FRMD6: variants seen among roughly 807,000 people sequenced by gnomAD.
The protein encoded by FRMD6 is FERM domain containing 6.
FRMD6 carries 37 observed loss-of-function variants against 73.2 expected under a neutral mutation model. The observed-to-expected ratio is 0.51, with a 90% CI of 0.39 to 0.66. FRMD6 has a LOEUF of 0.66. FRMD6 is among the 30% of genes least tolerant of loss of function. The pLI is 0.00. For synonymous variants in FRMD6, 273 were observed against 282.2 expected, an observed-to-expected ratio of 0.97 and a Z score of 0.33; for missense variants, 714 against 780.5, an observed-to-expected ratio of 0.91 and a Z score of 1.02.
At chr14:51,408,962 T>A in the FRMD6 span, among the ~76,000 whole-genome samples, 2 of 152,212 alleles carry the variant, frequency 1.3e-5, no homozygotes, top group African/African-American at 4.8e-5. Flanking sequence ...CTTGAGGATT[T>A]TTGGATATCC....
At chr14:51,434,721 T>C in the FRMD6 span, among the ~76,000 whole-genome samples, 1 of 152,184 alleles carries the variant, frequency 6.6e-6, no homozygotes, top group African/African-American at 2.4e-5. Flanking sequence ...ACTATTTGCA[T>C]AGTCTTAAAT....
At chr14:51,436,793 G>A in the FRMD6 span, 8 of 536,488 alleles carry the variant, frequency 1.5e-5, no homozygotes, top group Non-Finnish European at 2.0e-5. Flanking sequence ...AGATGAAGAA[G>A]GAGAAGGAGA....
Position 51,497,029 on chromosome 14 carries a change from A to G in FRMD6, c.-210+7609A>G, listed in dbSNP as rs149569118. Among the ~76,000 whole-genome samples the G allele has an allele frequency of 5.8e-4, 89 of 152,312 alleles. 1 individual carries two copies. The East Asian group carries it at 0.016, about 28-fold the overall frequency. ...CATACACCCACCATACAATGTTGAA[A>G]CAGGGACATGGTAACCTTAATATCC... On this transcript the variant is annotated intron_variant, in intron 1 of 14. Coordinates refer to the FRMD6 transcript ENST00000356218.
the FRMD6 span, among the ~76,000 whole-genome samples, chr14:51,447,519 T>C: frequency 1.3e-5 from 2 of 152,180 alleles, no homozygotes; most frequent in Admixed American, 6.5e-5. Flanking sequence ...CTCTAGGCCT[T>C]TGCTCAGACT....
At chr14:51,459,209 C>T in the FRMD6 span, among the ~76,000 whole-genome samples, 30 of 152,310 alleles carry the variant, frequency 2.0e-4, no homozygotes, top group East Asian at 5.6e-3. Context: ...GACAAGGTCT[C>T]ATGCTGTTCA....
At chr14:51,397,337 G>A in the FRMD6 span, among the ~76,000 whole-genome samples, 2 of 152,184 alleles carry the variant, frequency 1.3e-5, no homozygotes, top group African/African-American at 4.8e-5. Context: ...AGGTATTTGT[G>A]GCTTCTGCCA....
intron 1 of FRMD6, among the ~76,000 whole-genome samples, chr14:51,530,482 T>C (rs1374455773): frequency 6.6e-6 from 1 of 152,152 alleles, no homozygotes; most frequent in Admixed American, 6.5e-5. Flanking sequence ...GAGTTACTAT[T>C]ATTATTATTT....
intron 1 of FRMD6, among the ~76,000 whole-genome samples, chr14:51,666,631 A>G (rs1893613059): frequency 6.6e-6 from 1 of 152,244 alleles, no homozygotes; most frequent in Non-Finnish European, 1.5e-5. Context: ...AGTAATTGGA[A>G]TGTAAAAATT....
At chr14:51,471,968 A>G in the FRMD6 span, among the ~76,000 whole-genome samples, 2 of 152,318 alleles carry the variant, frequency 1.3e-5, no homozygotes, top group South Asian at 4.2e-4. Flanking sequence ...CACACTGTCC[A>G]TCTCTCCAGA....
At chr14:51,408,712 T>TC in the FRMD6 span, among the ~76,000 whole-genome samples, 1 of 152,238 alleles carries the variant, frequency 6.6e-6, no homozygotes, top group Non-Finnish European at 1.5e-5. Context: ...CTATTGTGTG[T>TC]CCAATAATTT....
At position 51,623,934 on chromosome 14, in the gene FRMD6, G is replaced by A. The variant is rs559264232; in HGVS notation, c.-147+53524G>A. ...GAAATAGAGTCAAAGAATTTTCTGT[G>A]AATGTGGTACATATACATGGAATAC... On this transcript the variant is annotated intron_variant, in intron 2 of 14. Coordinates refer to the FRMD6 transcript ENST00000356218. Among the ~76,000 whole-genome samples the A allele has an allele frequency of 4.6e-5, 7 of 152,304 alleles. No individual in the cohort carries two copies. In the South Asian group the frequency reaches 1.4e-3, roughly 32 times the overall value.
the FRMD6 span, among the ~76,000 whole-genome samples, chr14:51,468,157 G>A: frequency 2.0e-5 from 3 of 152,026 alleles, no homozygotes; most frequent in East Asian, 1.9e-4. Context: ...CAGGCATGGC[G>A]GCGCGCGCCT....
intron 1 of FRMD6, among the ~76,000 whole-genome samples, chr14:51,664,319 C>T (rs1332501485): frequency 2.6e-5 from 4 of 152,172 alleles, no homozygotes; most frequent in Non-Finnish European, 5.9e-5. Flanking sequence ...TGTGATTAAG[C>T]AATTTTCATA....
At chr14:51,718,248 A>G (rs999324715) in intron 10 of FRMD6, among the ~76,000 whole-genome samples, 11 of 152,252 alleles carry the variant, frequency 7.2e-5, no homozygotes, top group Non-Finnish European at 1.5e-4. Context: ...CACCCAGGCC[A>G]TGCTAACATG....
chr14:51,543,700 A>G (rs75073053), intron 1 of FRMD6, among the ~76,000 whole-genome samples: 2,068 of 152,170 alleles, frequency 0.014, 49 homozygotes, highest in African/African-American at 0.047. Context: ...GAATGAGACT[A>G]AAGTGCTGTG....
At chr14:51,477,701 T>C in the FRMD6 span, among the ~76,000 whole-genome samples, 1 of 148,396 alleles carries the variant, frequency 6.7e-6, no homozygotes, top group East Asian at 2.1e-4. Context: ...TAGTGTTCTT[T>C]TCTTTTTCTT....
the FRMD6 span, among the ~76,000 whole-genome samples, chr14:51,476,251 G>A: frequency 2.0e-5 from 3 of 152,148 alleles, no homozygotes; most frequent in African/African-American, 7.2e-5. Context: ...ACCGTAACAG[G>A]GAGAGAGATA....
intron 1 of FRMD6, among the ~76,000 whole-genome samples, chr14:51,666,870 C>T (rs1893632486): frequency 6.6e-6 from 1 of 152,140 alleles, no homozygotes; most frequent in South Asian, 2.1e-4. Flanking sequence ...CACAGTGGCT[C>T]ACACCTGTAT....
intron 2 of FRMD6, among the ~76,000 whole-genome samples, chr14:51,580,824 G>T (rs909426917): frequency 1.1e-4 from 17 of 152,162 alleles, no homozygotes; most frequent in Admixed American, 1.1e-3. Context: ...ACAAATATAG[G>T]GAGAATGAGG....
Sources: allele counts gnomAD v4.1 joint callset (sites outside exome capture counted in the v4.1 genomes callset), GRCh38; gene constraint gnomAD v4.1.1; transcripts MANE v1.5; gene names NCBI Gene and HGNC (gene_info 2026-07-23, HGNC 2026-07-21).